The following GALNT17 variants were observed in gnomAD, a reference collection of about 807,000 sequenced individuals.
GALNT17 encodes the protein UDP-GalNAc:polypeptide N-acetylgalactosaminyltransferase-like 3.
A neutral mutation model predicts 63.7 loss-of-function variants in GALNT17; 29 were observed. That is an observed-to-expected ratio of 0.46 (90% CI 0.34 to 0.62). The LOEUF (loss-of-function observed/expected upper bound fraction) is 0.62, where lower values mean the gene tolerates loss of function less well. Ranked by LOEUF, GALNT17 falls within the 20% of genes least tolerant of loss-of-function variation. The pLI is 0.01. For missense variants in GALNT17, 603 were observed against 799.6 expected (o/e 0.75, Z 2.97); for synonymous variants, 305 against 318.3 (o/e 0.96, Z 0.45).
chr7:71,240,488 C>A (rs997456407), intron 1 of GALNT17, among the ~76,000 whole-genome samples: 11 of 151,872 alleles, frequency 7.2e-5, no homozygotes, highest in Non-Finnish European at 1.5e-4. Flanking sequence ...CCATAGGTAC[C>A]CATTGTTTAG....
At chr7:71,166,116 T>C (rs991744096) in intron 1 of GALNT17, among the ~76,000 whole-genome samples, 1 of 152,190 alleles carries the variant, frequency 6.6e-6, no homozygotes, top group African/African-American at 2.4e-5. Context: ...TCAAATGCAA[T>C]GTGCACATCT....
chr7:71,155,231 A>G (rs1170491023), intron 1 of GALNT17, among the ~76,000 whole-genome samples: 4 of 151,776 alleles, frequency 2.6e-5, no homozygotes, highest in Non-Finnish European at 5.9e-5. Flanking sequence ...GTGCTGTTCC[A>G]GGTCTTTTAG....
intron 4 of GALNT17, among the ~76,000 whole-genome samples, chr7:71,419,250 C>T (rs533952061): frequency 3.7e-4 from 57 of 152,270 alleles, no homozygotes; most frequent in African/African-American, 1.4e-3. Flanking sequence ...AGAATTAAGA[C>T]ATGAACCAGA....
chr7:71,377,461 G>A (rs1209736256), intron 2 of GALNT17, among the ~76,000 whole-genome samples: 1 of 152,112 alleles, frequency 6.6e-6, no homozygotes, highest in Non-Finnish European at 1.5e-5. Flanking sequence ...TCACTGGCCT[G>A]TGACCATGGT....
intron 1 of GALNT17, among the ~76,000 whole-genome samples, chr7:71,164,143 G>A: frequency 6.6e-6 from 1 of 152,138 alleles, no homozygotes; most frequent in South Asian, 2.1e-4. Flanking sequence ...AATTATGCAT[G>A]GAAAAAGTCA....
chr7:71,388,486 G>C (rs753203428), intron 3 of GALNT17, 85 bp downstream of exon 3: 27 of 1,493,056 alleles, frequency 1.8e-5, no homozygotes, highest in Non-Finnish European at 2.4e-5. Context: ...CCGAGCATCT[G>C]TGTCTCCTGG....
intron 5 of GALNT17, among the ~76,000 whole-genome samples, chr7:71,482,149 CA>C (rs750073726): frequency 0.048 from 3,511 of 73,502 alleles, 84 homozygotes; most frequent in African/African-American, 0.092. Context: ...GACAAGGATA[CA>C]TTTTTTTTTT....
At chr7:71,294,182 G>A (rs1554349576) in intron 1 of GALNT17, among the ~76,000 whole-genome samples, 1 of 149,476 alleles carries the variant, frequency 6.7e-6, no homozygotes, top group African/African-American at 2.5e-5. Flanking sequence ...AAAATTCTTT[G>A]TCTTTGACTT....
At chr7:71,382,441 G>A (rs1792864309) in intron 2 of GALNT17, among the ~76,000 whole-genome samples, 2 of 152,156 alleles carry the variant, frequency 1.3e-5, no homozygotes, top group Non-Finnish European at 2.9e-5. Flanking sequence ...GAAAGTCTAA[G>A]AGTAAGGGTT....
At chr7:71,662,980 C>G (rs1272718170) in intron 6 of GALNT17, among the ~76,000 whole-genome samples, 1 of 152,092 alleles carries the variant, frequency 6.6e-6, no homozygotes, top group Non-Finnish European at 1.5e-5. Context: ...ACTGAATTGT[C>G]TTGACACCCT....
At chr7:71,135,354 G>A (rs1787764779) in intron 1 of GALNT17, among the ~76,000 whole-genome samples, 2 of 152,162 alleles carry the variant, frequency 1.3e-5, no homozygotes, top group Non-Finnish European at 2.9e-5. Context: ...TGAGAAATGA[G>A]AAAACTAGGT....
chr7:71,140,270 G>A (rs1787861916), intron 1 of GALNT17, among the ~76,000 whole-genome samples: 1 of 152,216 alleles, frequency 6.6e-6, no homozygotes, highest in Non-Finnish European at 1.5e-5. Flanking sequence ...CACAGGGATT[G>A]AGGACAGGCG....
intron 1 of GALNT17, among the ~76,000 whole-genome samples, chr7:71,201,160 G>A (rs1789159520): frequency 6.6e-6 from 1 of 150,870 alleles, no homozygotes; most frequent in Admixed American, 6.6e-5. Context: ...GCTTATTAAA[G>A]GAGTTCTGTT....
intron 1 of GALNT17, among the ~76,000 whole-genome samples, chr7:71,171,450 A>G (rs752871782): frequency 2.6e-5 from 4 of 152,224 alleles, no homozygotes; most frequent in South Asian, 2.1e-4. Context: ...GCAGTCAGCT[A>G]TGATTGCACC....
rs11272198 is a variant in GALNT17 at position 71,319,096 on chromosome 7, A to ATCTT, written c.239-16428_239-16425dup. Among the ~76,000 whole-genome samples the ATCTT allele has an allele frequency of 5.3e-3, 701 of 131,988 alleles. 5 individuals carry two copies. Among genetic ancestry groups the ATCTT allele is most frequent in the African/African-American group, 7.5e-3 (242 of 32,200 alleles). The allele number at this position is 131,988 out of a possible 152,430, so 86.6% of individuals were successfully genotyped here. On this transcript the variant is annotated intron_variant, in intron 1 of 10. Coordinates refer to ENST00000333538, the MANE Select transcript of GALNT17 (RefSeq NM_022479.3). ...TCAGCTTGCTGAGCTATTTTTGTTT[A>ATCTT]TCTTTCTTTCTTTCTTTCTTTCTTT...
intron 1 of GALNT17, 77 bp downstream of exon 1, chr7:71,133,117 G>A: frequency 7.8e-7 from 1 of 1,278,520 alleles, no homozygotes. Flanking sequence ...GTCCTTGCGC[G>A]CTGCGCCCTG....
At chr7:71,426,449 C>A (rs755709033) in intron 5 of GALNT17, among the ~76,000 whole-genome samples, 1 of 152,172 alleles carries the variant, frequency 6.6e-6, no homozygotes, top group African/African-American at 2.4e-5. Flanking sequence ...TTCTGTTAGG[C>A]GGTTCTTGAA....
intron 1 of GALNT17, among the ~76,000 whole-genome samples, chr7:71,182,199 A>C (rs1788748854): frequency 6.6e-6 from 1 of 152,146 alleles, no homozygotes. Context: ...AATAAGAGAG[A>C]GAATCACTAG....
At chr7:71,485,052 A>G (rs549580310) in intron 5 of GALNT17, among the ~76,000 whole-genome samples, 7 of 133,022 alleles carry the variant, frequency 5.3e-5, no homozygotes, top group South Asian at 2.4e-4. Context: ...CAGGTGATCC[A>G]CCCACTTCAG....
Sources: gnomAD v4.1 joint callset for allele counts (sites outside exome capture counted in the v4.1 genomes callset) on GRCh38, gnomAD v4.1.1 for gene constraint, MANE v1.5 for transcripts, NCBI Gene and HGNC (gene_info 2026-07-23, HGNC 2026-07-21) for gene names.